RORA: variants seen among roughly 807,000 people sequenced by gnomAD.
The protein encoded by RORA is nuclear receptor ROR-alpha.
RORA carries 7 observed loss-of-function variants against 69.5 expected under a neutral mutation model. The observed-to-expected ratio is 0.10, with a 90% CI of 0.06 to 0.19. The LOEUF is 0.19. RORA is among the 10% of genes least tolerant of loss of function. RORA has a pLI of 1.00. For synonymous variants in RORA, 261 were observed against 240.8 expected (o/e 1.08, Z -0.78); for missense variants, 457 against 663.0 (o/e 0.69, Z 3.41).
chr15:61,078,474 C>T lies in RORA; in HGVS notation c.166+150579G>A, dbSNP rs1441317410. ...TTGGCCTCCCAAAGTGTTGGGATTACAGGCATGAGCTACTGCACCTGGCCC... is the reference window on the plus strand; with the variant it reads ...TTGGCCTCCCAAAGTGTTGGGATTATAGGCATGAGCTACTGCACCTGGCCC... On this transcript the variant is annotated intron_variant, in intron 1 of 10. Coordinates refer to ENST00000335670, the MANE Select transcript of RORA (RefSeq NM_134261.3). 2.6e-5 allele frequency among the ~76,000 whole-genome samples: 4 copies of T among 152,140 alleles called. No homozygotes were observed. The East Asian group carries it at 7.7e-4, about 29-fold the overall frequency.
chr15:61,017,388 G>C (rs1285615550), intron 1 of RORA, among the ~76,000 whole-genome samples: 1 of 152,182 alleles, frequency 6.6e-6, no homozygotes, highest in African/African-American at 2.4e-5. Flanking sequence ...CTTTAATGCA[G>C]ATGTAGCAGA....
intron 2 of RORA, among the ~76,000 whole-genome samples, chr15:60,563,041 GCTATA>G (rs1459894710): frequency 1.3e-5 from 2 of 152,110 alleles, no homozygotes; most frequent in African/African-American, 4.8e-5. Flanking sequence ...TCAAATAAAT[GCTATA>G]CTTAATCATA....
At chr15:60,544,338 T>C (rs770339076) in intron 2 of RORA, among the ~76,000 whole-genome samples, 1 of 152,212 alleles carries the variant, frequency 6.6e-6, no homozygotes, top group Non-Finnish European at 1.5e-5. Context: ...AAGAGAATTC[T>C]ACCTAGTAAC....
At chr15:60,901,686 T>C (rs1021398938) in intron 1 of RORA, among the ~76,000 whole-genome samples, 1 of 152,208 alleles carries the variant, frequency 6.6e-6, no homozygotes. Flanking sequence ...AATAGTGAGA[T>C]GCATGAGCCT....
chr15:60,852,437 G>C (rs1485978396), intron 1 of RORA, among the ~76,000 whole-genome samples: 2 of 152,144 alleles, frequency 1.3e-5, no homozygotes, highest in Non-Finnish European at 2.9e-5. Context: ...ATAAAGTGAG[G>C]ATAACAACTC....
intron 1 of RORA, among the ~76,000 whole-genome samples, chr15:60,721,454 A>C (rs62002732): frequency 0.062 from 9,453 of 152,296 alleles, 385 homozygotes; most frequent in Middle Eastern, 0.11. Context: ...TAATATTCTT[A>C]TTTATGTTTT....
intron 3 of RORA, among the ~76,000 whole-genome samples, chr15:60,524,378 A>G (rs2141408287): frequency 6.6e-6 from 1 of 152,308 alleles, no homozygotes; most frequent in Non-Finnish European, 1.5e-5. Flanking sequence ...CTCCCTGCTG[A>G]TGACCAGGCA....
intron 1 of RORA, among the ~76,000 whole-genome samples, chr15:61,059,609 TC>T (rs2078142879): frequency 6.6e-6 from 1 of 152,150 alleles, no homozygotes; most frequent in Non-Finnish European, 1.5e-5. Flanking sequence ...ATCAACAGAA[TC>T]TTTCCTCCCA....
At chr15:60,995,433 C>T (rs1012248456) in intron 1 of RORA, among the ~76,000 whole-genome samples, 2 of 152,210 alleles carry the variant, frequency 1.3e-5, no homozygotes, top group African/African-American at 4.8e-5. Context: ...CCTGGCTCCA[C>T]ATTCTGATAG....
chr15:60,958,771 G>T (rs1187646215), intron 1 of RORA, among the ~76,000 whole-genome samples: 1 of 152,192 alleles, frequency 6.6e-6, no homozygotes. Flanking sequence ...AAAATGTATG[G>T]AAAGTACATT....
chr15:60,879,968 A>C (rs1397806191), intron 1 of RORA, among the ~76,000 whole-genome samples: 1 of 152,126 alleles, frequency 6.6e-6, no homozygotes, highest in Non-Finnish European at 1.5e-5. Context: ...GATAAAGGAG[A>C]TTTATAAAAT....
intron 1 of RORA, among the ~76,000 whole-genome samples, chr15:61,098,148 C>T (rs887493418): frequency 3.2e-5 from 3 of 95,062 alleles, no homozygotes; most frequent in Non-Finnish European, 7.3e-5. Flanking sequence ...TCCTTCTTTC[C>T]CTCCCTCCCT....
At chr15:61,129,772 T>A (rs746025397) in intron 1 of RORA, among the ~76,000 whole-genome samples, 27 of 152,200 alleles carry the variant, frequency 1.8e-4, no homozygotes, top group Admixed American at 1.2e-3. Context: ...TCTCCCTGGT[T>A]TCCTGTCTTA....
intron 5 of RORA, among the ~76,000 whole-genome samples, chr15:60,510,084 G>C (rs1231482582): frequency 6.6e-6 from 1 of 152,170 alleles, no homozygotes; most frequent in African/African-American, 2.4e-5. Flanking sequence ...ACCGTCTAAA[G>C]AACACAGCCA....
chr15:61,187,614 T>TG (rs1460543162), intron 1 of RORA, among the ~76,000 whole-genome samples: 2 of 152,226 alleles, frequency 1.3e-5, no homozygotes, highest in African/African-American at 4.8e-5. Flanking sequence ...TGCTGAGAAT[T>TG]AGTCTTACAC....
chr15:61,104,570 T>A (rs2078925223), intron 1 of RORA, among the ~76,000 whole-genome samples: 1 of 152,176 alleles, frequency 6.6e-6, no homozygotes, highest in Non-Finnish European at 1.5e-5. Flanking sequence ...ATCTGTCAAT[T>A]GTCTATAAGG....
At chr15:60,594,463 C>T (rs763345847) in intron 2 of RORA, among the ~76,000 whole-genome samples, 2 of 152,204 alleles carry the variant, frequency 1.3e-5, no homozygotes, top group Non-Finnish European at 2.9e-5. Context: ...GTATGTTCTT[C>T]CCTACTCAAT....
At chr15:61,105,894 T>C (rs1236805436) in intron 1 of RORA, among the ~76,000 whole-genome samples, 1 of 152,204 alleles carries the variant, frequency 6.6e-6, no homozygotes, top group East Asian at 1.9e-4. Context: ...ATCAAAAACC[T>C]ATATGGTGAA....
chr15:60,617,659 CAGAGAGAGAGAG>C (rs10594406), intron 2 of RORA, among the ~76,000 whole-genome samples: 17 of 141,438 alleles, frequency 1.2e-4, no homozygotes, highest in Non-Finnish European at 1.4e-4. Context: ...CACATACAGA[CAGAGAGAGAGAG>C]AGAGAGAGAG....
Sources: gnomAD v4.1 joint callset for allele counts (sites outside exome capture counted in the v4.1 genomes callset) on GRCh38, gnomAD v4.1.1 for gene constraint, MANE v1.5 for transcripts, NCBI Gene and HGNC (gene_info 2026-07-23, HGNC 2026-07-21) for gene names.